Variants in CFAP299 observed in about 807,000 individuals in gnomAD.
CFAP299 encodes the protein cilia and flagella associated protein 299.
CFAP299 carries 21 observed loss-of-function variants against 27.0 expected under a neutral mutation model. The observed-to-expected ratio is 0.78, with a 90% confidence interval of 0.55 to 1.12. The LOEUF (loss-of-function observed/expected upper bound fraction) is 1.12, where lower values mean the gene tolerates loss of function less well. Ranked by LOEUF, CFAP299 falls within the 50% of genes most tolerant of loss-of-function variation. The pLI, the probability that CFAP299 is intolerant of heterozygous loss-of-function variation, is 0.00. For synonymous variants in CFAP299, 104 were observed against 98.1 expected, an observed-to-expected ratio of 1.06 and a Z score of -0.36; for missense variants, 310 against 276.6, an observed-to-expected ratio of 1.12 and a Z score of -0.86.
chr4:80,768,294 T>G (rs1009671566), intron 3 of CFAP299, among the ~76,000 whole-genome samples: 1 of 152,324 alleles, frequency 6.6e-6, no homozygotes, highest in Non-Finnish European at 1.5e-5. Flanking sequence ...AATAGTAGAA[T>G]GTATCTGTTT....
chr4:80,494,917 T>G (rs1352425075), intron 2 of CFAP299, among the ~76,000 whole-genome samples: 1 of 152,242 alleles, frequency 6.6e-6, no homozygotes, highest in Non-Finnish European at 1.5e-5. Context: ...TTCTAGCAGG[T>G]CAGTCATTAC....
At chr4:80,635,282 C>T (rs1371453450) in intron 3 of CFAP299, among the ~76,000 whole-genome samples, 2 of 152,084 alleles carry the variant, frequency 1.3e-5, no homozygotes, top group Non-Finnish European at 2.9e-5. Flanking sequence ...TTGCAATTGT[C>T]ATATGCAACT....
Position 80,951,309 on chromosome 4 carries a change from T to C in CFAP299, c.606+6370T>C, listed in dbSNP as rs569177854. Among the ~76,000 whole-genome samples the C allele has an allele frequency of 3.3e-5, 5 of 152,308 alleles. No individual in the cohort carries two copies. The South Asian group carries it at 1.0e-3, about 32-fold the overall frequency. ...GTATTATAGAATAAAACTTTCTGGA[T>C]CCATGCTGAGTGTCACAAGGTTTGG... On this transcript the variant is annotated intron_variant, in intron 5 of 5. Coordinates refer to ENST00000358105, the MANE Select transcript of CFAP299 (RefSeq NM_152770.3).
At chr4:80,794,478 T>C (rs1267919275) in intron 3 of CFAP299, among the ~76,000 whole-genome samples, 1 of 152,122 alleles carries the variant, frequency 6.6e-6, no homozygotes, top group Non-Finnish European at 1.5e-5. Context: ...CTGGAGAACT[T>C]TACCCCAGCC....
chr4:80,390,997 ATATGTATG>A (rs1194177145), intron 2 of CFAP299, among the ~76,000 whole-genome samples: 1 of 148,198 alleles, frequency 6.7e-6, no homozygotes, highest in Non-Finnish European at 1.5e-5. Context: ...ATATATGTAT[ATATGTATG>A]TACACACATG....
intron 2 of CFAP299, among the ~76,000 whole-genome samples, chr4:80,576,859 T>C (rs17004944): frequency 0.054 from 8,259 of 152,264 alleles, 591 homozygotes; most frequent in African/African-American, 0.17. Flanking sequence ...TTGGAGTTCT[T>C]TGGCTTAAAA....
chr4:80,664,858 G>T (rs569719543), intron 3 of CFAP299, among the ~76,000 whole-genome samples: 1 of 152,186 alleles, frequency 6.6e-6, no homozygotes, highest in Admixed American at 6.5e-5. Flanking sequence ...CCCTGGTGGT[G>T]TAGGCACCCA....
chr4:80,490,303 G>GA (rs1227776861), intron 2 of CFAP299, among the ~76,000 whole-genome samples: 1 of 151,878 alleles, frequency 6.6e-6, no homozygotes, highest in Non-Finnish European at 1.5e-5. Flanking sequence ...GGAATACTTT[G>GA]AAAAAAATGT....
Position 80,716,388 on chromosome 4 carries a change from T to C in CFAP299, c.333+133205T>C, listed in dbSNP as rs183452422. Reference sequence around the variant, plus strand: ...GGATAGTATTGATATATTCTATATATATATAATATATTCTATAAGATATAT... The same window carrying C: ...GGATAGTATTGATATATTCTATATACATATAATATATTCTATAAGATATAT... On this transcript the variant is annotated intron_variant, in intron 3 of 5. Coordinates refer to ENST00000358105, the MANE Select transcript of CFAP299 (RefSeq NM_152770.3). Among the ~76,000 whole-genome samples, 160 of 150,072 alleles carry C rather than the reference T, an allele frequency of 1.1e-3. 1 individual carries two copies. The highest frequency in any genetic ancestry group is 3.7e-3 in the African/African-American group (151 of 41,124).
chr4:80,747,240 A>T (rs1724670031), intron 3 of CFAP299, among the ~76,000 whole-genome samples: 1 of 152,072 alleles, frequency 6.6e-6, no homozygotes, highest in Non-Finnish European at 1.5e-5. Context: ...TATTATCATT[A>T]TGAAGTATTA....
chr4:80,605,864 G>T (rs1341025346), intron 3 of CFAP299, among the ~76,000 whole-genome samples: 2 of 151,672 alleles, frequency 1.3e-5, no homozygotes, highest in Non-Finnish European at 2.9e-5. Context: ...TTAACAGTCT[G>T]AGTTTTTTAA....
At chr4:80,473,321 C>T (rs1292402717) in intron 2 of CFAP299, among the ~76,000 whole-genome samples, 1 of 151,976 alleles carries the variant, frequency 6.6e-6, no homozygotes, top group Non-Finnish European at 1.5e-5. Flanking sequence ...AAGCCAATAA[C>T]TTATTTCTTT....
chr4:80,585,632 A>G (rs190379098), intron 3 of CFAP299, among the ~76,000 whole-genome samples: 2 of 152,276 alleles, frequency 1.3e-5, no homozygotes, highest in Non-Finnish European at 2.9e-5. Flanking sequence ...ACTGAGATGA[A>G]GGTGATGAAT....
In CFAP299 at chr4:80,879,616, GAA is replaced by G. The variant is rs371176083; in HGVS notation, c.476+9483_476+9484del. Among the ~76,000 whole-genome samples, 578 of 152,074 alleles carry G rather than the reference GAA, an allele frequency of 3.8e-3. 1 individual carries two copies. Among genetic ancestry groups the G allele is most frequent in the Middle Eastern group, 0.017 (5 of 294 alleles). On this transcript the variant is annotated intron_variant, in intron 4 of 5. Coordinates refer to ENST00000358105, the MANE Select transcript of CFAP299 (RefSeq NM_152770.3). ...ACACTCGGCATTTTTACTTTCAATC[GAA>G]ATTTATGTTTAATTTTTATTTATTT...
intron 4 of CFAP299, 118 bp downstream of exon 4, chr4:80,870,253 A>G (rs1733004838): frequency 1.5e-6 from 2 of 1,313,712 alleles, no homozygotes; most frequent in South Asian, 2.5e-5. Flanking sequence ...ATAACTGGTT[A>G]TTAATATGAA....
At chr4:80,778,535 A>G (rs1726680626) in intron 3 of CFAP299, among the ~76,000 whole-genome samples, 1 of 152,044 alleles carries the variant, frequency 6.6e-6, no homozygotes, top group Non-Finnish European at 1.5e-5. Flanking sequence ...TTTTGTAGAA[A>G]ATTACTGGTT....
intron 3 of CFAP299, among the ~76,000 whole-genome samples, chr4:80,616,832 T>C (rs987084818): frequency 6.6e-6 from 1 of 152,136 alleles, no homozygotes; most frequent in Non-Finnish European, 1.5e-5. Flanking sequence ...CATGCATATG[T>C]ACACATACAT....
At chr4:80,387,388 G>T in intron 2 of CFAP299, 1 of 1,146,672 alleles carries the variant, frequency 8.7e-7, no homozygotes, top group South Asian at 1.2e-5. Context: ...ACTTGAGCTG[G>T]AAATAGGTGC....
intron 3 of CFAP299, among the ~76,000 whole-genome samples, chr4:80,740,827 ACCAGT>A (rs777808576): frequency 4.6e-5 from 7 of 151,918 alleles, no homozygotes; most frequent in African/African-American, 7.3e-5. Flanking sequence ...CATTACCACC[ACCAGT>A]CCATGGAGGG....
Sources: gnomAD v4.1 joint callset for allele counts (sites outside exome capture counted in the v4.1 genomes callset) on GRCh38, gnomAD v4.1.1 for gene constraint, MANE v1.5 for transcripts, NCBI Gene and HGNC (gene_info 2026-07-23, HGNC 2026-07-21) for gene names.